COL23A1: variants seen among roughly 807,000 people sequenced by gnomAD.
COL23A1 encodes collagen type XXIII alpha 1 chain, also known as collagen alpha-1(XXIII) chain.
COL23A1 carries 97 observed loss-of-function variants against 99.3 expected under a neutral mutation model. That is an observed-to-expected ratio of 0.98 (90% CI 0.83 to 1.16). The LOEUF (loss-of-function observed/expected upper bound fraction) is 1.16. Among genes scored for constraint, COL23A1 ranks in the 50% most tolerant of loss-of-function variants. The probability of loss-of-function intolerance (pLI) is 0.00; values close to 1 mark genes in which losing one functional copy is unlikely to be tolerated. For missense variants in COL23A1, 762 were observed against 757.4 expected (o/e 1.01, Z -0.07); for synonymous variants, 320 against 308.2 (o/e 1.04, Z -0.40).
chr5:178,560,774 A>C, intron 1 of COL23A1, 26 bp from the exon 2 acceptor site: 1 of 1,592,940 alleles, frequency 6.3e-7, no homozygotes. Flanking sequence ...AAAAAGAAAA[A>C]AAACGAGGAG....
chr5:178,331,246 G>A (rs1218538738), intron 2 of COL23A1, among the ~76,000 whole-genome samples: 1 of 152,200 alleles, frequency 6.6e-6, no homozygotes, highest in East Asian at 1.9e-4. Flanking sequence ...CTCCTGGAAG[G>A]CAGAAATGAC....
rs528320229 is a variant in COL23A1, at chr5:178,326,259, C to T, written c.362-19340G>A. Among the ~76,000 whole-genome samples the T allele has an allele frequency of 4.6e-5, 7 of 152,330 alleles. No homozygotes were observed. The South Asian group carries it at 1.2e-3, about 27-fold the overall frequency. ...CAGCATATGTTTCTTGTCTCCTACG[C>T]ACTTTAGCACTGGCTCTGGGGAATG... is the stretch of plus-strand genomic sequence containing the variant. On this transcript the variant is annotated intron_variant, in intron 2 of 28. Transcript: ENST00000390654.
In COL23A1 at chr5:178,590,015, C is replaced by A. The variant is rs993464130; in HGVS notation, c.183G>T (p.Leu61=). The A allele has an allele frequency of 1.5e-6, 2 of 1,352,724 alleles. No individual in the cohort carries two copies. Among genetic ancestry groups the A allele is most frequent in the Non-Finnish European group, 1.9e-6 (2 of 1,051,626 alleles). The allele number at this position is 1,352,724 out of a possible 1,614,324, so 83.8% of individuals were successfully genotyped here. The change falls in exon 1 of 29, where the codon CTG becomes CTT. Residue 61 remains leucine, a synonymous_variant. Transcript: ENST00000390654. The surrounding 1 kb of genome is among the most constrained non-coding windows in gnomAD (Gnocchi z 5.7). ...CLLLGVQAAA[L]QGRVAALEEE... is the part of the protein sequence containing the mutation. ...CCTCGAGCGCCGCCACCCGGCCCTG[C>A]AGCGCGGCCGCCTGGACACCCAGCA...
intron 2 of COL23A1, among the ~76,000 whole-genome samples, chr5:178,529,872 A>G (rs1418600597): frequency 6.6e-6 from 1 of 152,348 alleles, no homozygotes; most frequent in Non-Finnish European, 1.5e-5. Context: ...GTACCTTTCA[A>G]ACACTGCTGT....
chr5:178,405,022 G>A (rs188446342), intron 2 of COL23A1, among the ~76,000 whole-genome samples: 1 of 152,156 alleles, frequency 6.6e-6, no homozygotes, highest in African/African-American at 2.4e-5. Flanking sequence ...CCCATACCAG[G>A]TGCCCCTGCC....
chr5:178,518,969 A>G (rs1410244608), intron 2 of COL23A1, among the ~76,000 whole-genome samples: 2 of 148,606 alleles, frequency 1.3e-5, no homozygotes, highest in South Asian at 2.1e-4. Flanking sequence ...GCTCCGCTTC[A>G]TATCTGCAGC....
At chr5:178,420,744 G>C (rs961847055) in intron 2 of COL23A1, among the ~76,000 whole-genome samples, 1 of 142,332 alleles carries the variant, frequency 7.0e-6, no homozygotes, top group Admixed American at 7.1e-5. Context: ...CAGCACAAGG[G>C]GAATGTGGGC....
At chr5:178,421,346 G>C (rs1765624471) in intron 2 of COL23A1, among the ~76,000 whole-genome samples, 1 of 152,162 alleles carries the variant, frequency 6.6e-6, no homozygotes, top group Non-Finnish European at 1.5e-5. Flanking sequence ...CTAGCTGTGT[G>C]ATGTTTCTCA....
chr5:178,354,099 T>TGG (rs1328479070), intron 2 of COL23A1, among the ~76,000 whole-genome samples: 1 of 152,000 alleles, frequency 6.6e-6, no homozygotes, highest in Non-Finnish European at 1.5e-5. Flanking sequence ...CAGGGGTGGT[T>TGG]GGGACTTTTC....
At chr5:178,444,046 A>T (rs1767029116) in intron 2 of COL23A1, among the ~76,000 whole-genome samples, 1 of 152,036 alleles carries the variant, frequency 6.6e-6, no homozygotes, top group African/African-American at 2.4e-5. Flanking sequence ...TACAAAAAAT[A>T]AAAAAATTAG....
chr5:178,424,430 G>A (rs544386645), intron 2 of COL23A1, among the ~76,000 whole-genome samples: 1 of 152,342 alleles, frequency 6.6e-6, no homozygotes, highest in South Asian at 2.1e-4. Context: ...AAAACCCTTT[G>A]ATCCAGGGCC....
intron 2 of COL23A1, among the ~76,000 whole-genome samples, chr5:178,425,698 G>A (rs904958473): frequency 2.0e-5 from 3 of 152,178 alleles, no homozygotes; most frequent in Non-Finnish European, 4.4e-5. Flanking sequence ...GAGAAGCCGC[G>A]GTGAATGGCA....
chr5:178,247,507 G>A lies in COL23A1; in HGVS notation c.1296+19C>T. ...AGACGGTGAGTCTGAGGCCAGTAGA[G>A]GGGTCTGTGCCCACTCACCTTGGGA... is the stretch of plus-strand genomic sequence containing the variant. On this transcript the variant is annotated intron_variant, in intron 22 of 28. Transcript: ENST00000390654. 1 of 1,613,990 alleles carries A rather than the reference G, an allele frequency of 6.2e-7. No individual in the cohort carries two copies.
chr5:178,255,722 A>C lies in COL23A1; in HGVS notation c.882+631T>G. On this transcript the variant is annotated intron_variant, in intron 15 of 28. Coordinates refer to ENST00000390654, the MANE Select transcript of COL23A1 (RefSeq NM_173465.4). This position sits in a 1 kb window ranked among gnomAD's most constrained non-coding sequence, Gnocchi z 4.2. ...TGCCAGCCCTCCCCCGTCCCCAGTC[A>C]CAGCCTGCCCAGAACTGCCTGGCTC... is the stretch of plus-strand genomic sequence containing the variant. 4.5e-6 allele frequency: 1 copy of C among 222,828 alleles called. No individual in the cohort carries two copies. Among genetic ancestry groups the C allele is most frequent in the Non-Finnish European group, 9.7e-6 (1 of 103,190 alleles). The allele number at this position is 222,828 out of a possible 1,614,324, so 13.8% of individuals were successfully genotyped here. A position where few individuals can be genotyped will look rare whatever the true frequency, so the allele number is the denominator to read the frequency against.
At chr5:178,285,099 G>A (rs966464495) in intron 5 of COL23A1, among the ~76,000 whole-genome samples, 1 of 152,200 alleles carries the variant, frequency 6.6e-6, no homozygotes, top group African/African-American at 2.4e-5. Flanking sequence ...TGGACAGGGC[G>A]AGCCGGGCCC....
At chr5:178,273,686 G>C (rs1459764638) in intron 5 of COL23A1, among the ~76,000 whole-genome samples, 2 of 152,240 alleles carry the variant, frequency 1.3e-5, no homozygotes, top group African/African-American at 4.8e-5. Flanking sequence ...CCCTGGGACA[G>C]AGCCGACCCA....
intron 2 of COL23A1, among the ~76,000 whole-genome samples, chr5:178,454,236 T>C (rs1042739095): frequency 3.3e-5 from 5 of 152,074 alleles, no homozygotes; most frequent in South Asian, 2.1e-4. Context: ...CAGGCGATGT[T>C]TGAGAATTGC....
chr5:178,363,214 G>C (rs1296961122), intron 2 of COL23A1, among the ~76,000 whole-genome samples: 3 of 151,960 alleles, frequency 2.0e-5, no homozygotes, highest in Non-Finnish European at 4.4e-5. Flanking sequence ...CCATGCCCTA[G>C]AGTTACAGTG....
chr5:178,566,794 C>T (rs376854288), intron 1 of COL23A1, among the ~76,000 whole-genome samples: 4 of 151,104 alleles, frequency 2.6e-5, no homozygotes, highest in East Asian at 1.9e-4. Flanking sequence ...CCAGCCTGGG[C>T]GACAGAGTGA....
Sources: allele counts gnomAD v4.1 joint callset (sites outside exome capture counted in the v4.1 genomes callset), GRCh38; gene constraint gnomAD v4.1.1; non-coding constraint Gnocchi (gnomAD v3.1); transcripts MANE v1.5; gene names NCBI Gene and HGNC (gene_info 2026-07-23, HGNC 2026-07-21).